PDE3B: variants seen among roughly 807,000 people sequenced by gnomAD.
The protein encoded by PDE3B is cGMP-inhibited 3',5'-cyclic phosphodiesterase 3B.
Under a neutral mutation model 116.8 loss-of-function variants are expected in PDE3B, and 66 were observed. That is an observed-to-expected ratio of 0.56 (90% CI 0.46 to 0.69). PDE3B has a LOEUF of 0.69. PDE3B is among the 30% of genes least tolerant of loss of function. The pLI is 0.00. For synonymous variants in PDE3B, 595 were observed against 533.6 expected (o/e 1.12, Z -1.59); for missense variants, 1,384 against 1,368.1 (o/e 1.01, Z -0.18).
chr11:14,664,807 G>C (rs1854072275), intron 1 of PDE3B, among the ~76,000 whole-genome samples: 2 of 152,176 alleles, frequency 1.3e-5, no homozygotes, highest in African/African-American at 4.8e-5. Context: ...TCCAGGACCA[G>C]ATGGATTCAC....
At position 14,644,378 on chromosome 11, in the gene PDE3B, G is replaced by A. The variant is rs755065112; in HGVS notation, c.303G>A (p.Trp101Ter). 17 of 1,600,582 alleles carry A rather than the reference G, an allele frequency of 1.1e-5. No individual in the cohort carries two copies. Among genetic ancestry groups the A allele is most frequent in the Non-Finnish European group, 1.4e-5 (17 of 1,174,962 alleles). Residue 101 changes from tryptophan to a stop codon, truncating the protein, a stop_gained, in exon 1 of 16, where the codon TGG becomes TGA. Transcript: ENST00000282096. LOFTEE classifies it high-confidence loss of function. ...TGCTGGGCGCGGAACCCGAGAGCTG[G>A]GCTGCCGGGGCCGCCTGGCTGCGGA... ...ALLLGAEPES[W>*]AAGAAWLRTL...
chr11:14,667,318 A>G (rs1006843539), intron 1 of PDE3B, among the ~76,000 whole-genome samples: 1 of 151,384 alleles, frequency 6.6e-6, no homozygotes, highest in Non-Finnish European at 1.5e-5. Flanking sequence ...TAGCATTAGG[A>G]GATACACCTA....
intron 1 of PDE3B, among the ~76,000 whole-genome samples, chr11:14,702,760 T>G (rs1855404861): frequency 6.6e-6 from 1 of 151,920 alleles, no homozygotes; most frequent in Non-Finnish European, 1.5e-5. Context: ...AACACTCCAA[T>G]TCAGTCCAGT....
the PDE3B span, among the ~76,000 whole-genome samples, chr11:14,877,246 TAC>T: frequency 3.9e-5 from 6 of 152,164 alleles, no homozygotes; most frequent in African/African-American, 1.2e-4. Flanking sequence ...TGTCCCAGTT[TAC>T]ACAGTTACCC....
intron 1 of PDE3B, among the ~76,000 whole-genome samples, chr11:14,669,368 G>A (rs943547454): frequency 5.3e-5 from 8 of 152,048 alleles, no homozygotes; most frequent in African/African-American, 1.7e-4. Flanking sequence ...GGGCAAGGGG[G>A]GCTTTGGATA....
chr11:14,716,255 G>C (rs1855886248), intron 1 of PDE3B, among the ~76,000 whole-genome samples: 2 of 152,320 alleles, frequency 1.3e-5, no homozygotes, highest in South Asian at 4.1e-4. Flanking sequence ...CCCACACCTG[G>C]CTTGGAGGGT....
chr11:14,875,384 T>C (rs961119057), downstream of PDE3B, among the ~76,000 whole-genome samples: 19 of 152,150 alleles, frequency 1.2e-4, no homozygotes, highest in African/African-American at 4.3e-4. Context: ...ATGCCTTTAT[T>C]CCTTTTCCTA....
At chr11:14,759,901 A>G (rs1857307616) in intron 1 of PDE3B, among the ~76,000 whole-genome samples, 1 of 152,150 alleles carries the variant, frequency 6.6e-6, no homozygotes, top group African/African-American at 2.4e-5. Flanking sequence ...GCTAAGTAGT[A>G]AGAAGCCCAG....
chr11:14,662,043 C>A (rs1232358417), intron 1 of PDE3B, among the ~76,000 whole-genome samples: 1 of 152,202 alleles, frequency 6.6e-6, no homozygotes, highest in East Asian at 1.9e-4. Context: ...AGCAGCCTAA[C>A]TGGGAGGCAC....
intron 5 of PDE3B, among the ~76,000 whole-genome samples, chr11:14,806,247 T>C (rs920786907): frequency 2.0e-5 from 3 of 147,544 alleles, no homozygotes; most frequent in African/African-American, 7.6e-5. Flanking sequence ...GGTCAGGAGA[T>C]CGAGACCATG....
chr11:14,644,147 C>A lies in PDE3B; in HGVS notation c.72C>A (p.Pro24=). The change falls in exon 1 of 16, where the codon CCC becomes CCA. Residue 24 remains proline (P), a synonymous_variant. Transcript: ENST00000282096. The part of the protein sequence containing the change: ...LQPPDGAGSP[P]ESLRNGYVKS... ...CGCCGGATGGGGCCGGCTCGCCCCC[C>A]GAGAGTCTGAGGAACGGCTACGTGA... 2 of 1,592,218 alleles carry A rather than the reference C, an allele frequency of 1.3e-6. No homozygotes were observed. The highest frequency in any genetic ancestry group is 2.2e-5 in the South Asian group (2 of 89,906).
intron 14 of PDE3B, among the ~76,000 whole-genome samples, chr11:14,862,312 A>C (rs1847966447): frequency 1.3e-5 from 2 of 152,174 alleles, no homozygotes; most frequent in Non-Finnish European, 2.9e-5. Flanking sequence ...TCTAGACTAC[A>C]TTATGATTCC....
rs142863290 is a variant in PDE3B, at chr11:14,795,874, A to C, written c.1415+6632A>C. Among the ~76,000 whole-genome samples, 1,383 of 151,848 alleles carry C rather than the reference A, an allele frequency of 9.1e-3. 17 individuals are homozygous for C. The highest frequency in any genetic ancestry group is 0.013 in the Non-Finnish European group (868 of 67,896). ...GTTTGAAAGCTCAATTCATTATCTT[A>C]TTATTATTATTATCATTATACTTTC... On this transcript the variant is annotated intron_variant, in intron 4 of 15. Coordinates refer to ENST00000282096, the MANE Select transcript of PDE3B (RefSeq NM_000922.4).
chr11:14,888,026 G>A, the PDE3B span, among the ~76,000 whole-genome samples: 1 of 152,114 alleles, frequency 6.6e-6, no homozygotes, highest in Non-Finnish European at 1.5e-5. Context: ...AGTCTAGAAT[G>A]TTCTTCCTTT....
chr11:14,731,846 G>A (rs926491252), intron 1 of PDE3B, among the ~76,000 whole-genome samples: 13 of 152,138 alleles, frequency 8.5e-5, no homozygotes, highest in Admixed American at 8.5e-4. Context: ...TAAATCAGAC[G>A]ATTTCTGCTG....
At chr11:14,867,783 T>G (rs782397944) in intron 15 of PDE3B, 25 bp downstream of exon 15, 12 of 1,558,168 alleles carry the variant, frequency 7.7e-6, no homozygotes, top group Middle Eastern at 1.8e-4. Context: ...ACATTATAAT[T>G]TATTTAATGT....
At chr11:14,722,189 T>G (rs1304737448) in intron 1 of PDE3B, among the ~76,000 whole-genome samples, 2 of 151,180 alleles carry the variant, frequency 1.3e-5, no homozygotes, top group Non-Finnish European at 2.9e-5. Context: ...GGGAATAGCA[T>G]TAGGAGATAT....
chr11:14,867,426 C>A, intron 14 of PDE3B, 80 bp from the exon 15 acceptor site: 5 of 1,232,116 alleles, frequency 4.1e-6, no homozygotes, highest in Admixed American at 2.3e-5. Flanking sequence ...TTTAAAAAAA[C>A]TCAAGATAAT....
At chr11:14,715,927 C>A (rs999800519) in intron 1 of PDE3B, among the ~76,000 whole-genome samples, 1 of 152,118 alleles carries the variant, frequency 6.6e-6, no homozygotes, top group African/African-American at 2.4e-5. Context: ...CCAAGATGGC[C>A]GAATAGGAAC....
Sources: allele counts gnomAD v4.1 joint callset (sites outside exome capture counted in the v4.1 genomes callset), GRCh38; gene constraint gnomAD v4.1.1; transcripts MANE v1.5; gene names NCBI Gene and HGNC (gene_info 2026-07-23, HGNC 2026-07-21).